The following PAK1 variants were observed in gnomAD, a reference collection of about 807,000 sequenced individuals.
The protein encoded by PAK1 is p21 (RAC1) activated kinase 1, also known as serine/threonine-protein kinase PAK 1.
PAK1 carries 29 observed loss-of-function variants against 67.4 expected under a neutral mutation model. The observed-to-expected ratio is 0.43, with a 90% CI of 0.32 to 0.59. The LOEUF is 0.59. PAK1 is among the 20% of genes least tolerant of loss of function. PAK1 has a pLI of 0.07. For missense variants in PAK1, 337 were observed against 670.7 expected (o/e 0.50, Z 5.50); for synonymous variants, 223 against 237.4 (o/e 0.94, Z 0.56).
At chr11:77,362,729 C>T (rs1946959020) in intron 5 of PAK1, among the ~76,000 whole-genome samples, 1 of 152,036 alleles carries the variant, frequency 6.6e-6, no homozygotes, top group Non-Finnish European at 1.5e-5. Context: ...ATGATGTTGG[C>T]CAGATGATTA....
chr11:77,365,987 G>A (rs990257556), intron 5 of PAK1, among the ~76,000 whole-genome samples: 4 of 152,160 alleles, frequency 2.6e-5, no homozygotes, highest in Non-Finnish European at 5.9e-5. Flanking sequence ...GCTGATCAGA[G>A]TATTTTAAAA....
At chr11:77,471,378 C>CA (rs1218834167) in intron 1 of PAK1, among the ~76,000 whole-genome samples, 6 of 151,900 alleles carry the variant, frequency 3.9e-5, no homozygotes, top group African/African-American at 1.5e-4. Context: ...CACAGGCTAC[C>CA]AAAAAAAGAC....
the PAK1 span, among the ~76,000 whole-genome samples, chr11:77,495,859 A>G: frequency 2.6e-5 from 4 of 152,232 alleles, no homozygotes; most frequent in African/African-American, 7.2e-5. Context: ...GACAGAAAGT[A>G]CAACGGTGGT....
At chr11:77,508,319 T>C in the PAK1 span, among the ~76,000 whole-genome samples, 1 of 152,236 alleles carries the variant, frequency 6.6e-6, no homozygotes, top group Non-Finnish European at 1.5e-5. Flanking sequence ...TTTGGTTCAA[T>C]ACCAAAACAA....
intron 1 of PAK1, among the ~76,000 whole-genome samples, chr11:77,449,372 C>T (rs1179481932): frequency 6.6e-6 from 1 of 152,186 alleles, no homozygotes; most frequent in Non-Finnish European, 1.5e-5. Context: ...ACATCAGAGG[C>T]ATCAACTATC....
chr11:77,516,217 C>T, the PAK1 span, among the ~76,000 whole-genome samples: 1 of 152,208 alleles, frequency 6.6e-6, no homozygotes, highest in Admixed American at 6.5e-5. Flanking sequence ...AGTGTGCATT[C>T]AATGTATGGT....
Position 77,351,994 on chromosome 11 carries a change from C to T in PAK1, c.836+1542G>A, listed in dbSNP as rs1052923289. Among the ~76,000 whole-genome samples, 15 of 152,174 alleles carry T rather than the reference C, an allele frequency of 9.9e-5. No individual in the cohort carries two copies. The South Asian group carries it at 2.1e-3, about 21-fold the overall frequency. ...CTACCAAGATCACCCCCAAAGATTCCCTCATGACTATTCCTACTCAACATC... is the reference window on the plus strand; with the variant it reads ...CTACCAAGATCACCCCCAAAGATTCTCTCATGACTATTCCTACTCAACATC... On this transcript the variant is annotated intron_variant, in intron 8 of 14. Coordinates refer to ENST00000356341, the MANE Select transcript of PAK1 (RefSeq NM_002576.5).
chr11:77,349,163 C>T, intron 9 of PAK1, 76 bp downstream of exon 9: 1 of 1,084,814 alleles, frequency 9.2e-7, no homozygotes, highest in Non-Finnish European at 1.4e-6. Context: ...TCCTGTTGAC[C>T]TAACAAGGGC....
intron 11 of PAK1, 120 bp downstream of exon 11, chr11:77,340,526 C>A: frequency 1.4e-6 from 1 of 701,786 alleles, no homozygotes. Context: ...ATAGCAGTGT[C>A]AGCACTAATT....
rs1938814719 is a variant in PAK1 at position 77,323,326 on chromosome 11, C to T, written c.1586G>A (p.Ser529Asn). 2 of 1,613,718 alleles carry T rather than the reference C, an allele frequency of 1.2e-6. No homozygotes were observed. The highest frequency in any genetic ancestry group is 4.5e-5 in the East Asian group (2 of 44,860). Residue 529 changes from serine to asparagine, a missense_variant, in exon 15 of 15, where the codon AGC (serine) becomes AAC (asparagine). This residue lies in a region of PAK1 where 71 missense variants were observed against 160.5 expected (regional missense o/e 0.44). Coordinates refer to ENST00000356341, the MANE Select transcript of PAK1 (RefSeq NM_002576.5). ...AGCTGCAGCAATCAGTGGAGTGAGG[C>T]TGGAGAGGGGCTTGGCAATCTTCAG... Reference protein sequence around the residue: ...QFLKIAKPLSSLTPLIAAAKE... With the variant: ...QFLKIAKPLSNLTPLIAAAKE...
the PAK1 span, among the ~76,000 whole-genome samples, chr11:77,511,691 A>G: frequency 6.6e-6 from 1 of 152,182 alleles, no homozygotes; most frequent in African/African-American, 2.4e-5. Flanking sequence ...GCTGCTTTAA[A>G]TTTTTGTCCC....
At chr11:77,448,252 T>C (rs757933529) in intron 1 of PAK1, among the ~76,000 whole-genome samples, 7 of 152,146 alleles carry the variant, frequency 4.6e-5, no homozygotes, top group African/African-American at 1.2e-4. Context: ...GTTGTGAGGA[T>C]TGGGAATATT....
upstream of PAK1, chr11:77,475,405 A>G (rs1026120479): frequency 6.6e-6 from 1 of 152,168 alleles, no homozygotes; most frequent in African/African-American, 2.4e-5. Context: ...TAAAAGCACA[A>G]ATCTGATGAT....
chr11:77,491,743 C>T, the PAK1 span, among the ~76,000 whole-genome samples: 2 of 152,004 alleles, frequency 1.3e-5, no homozygotes, highest in East Asian at 3.9e-4. Flanking sequence ...AAATCACCTT[C>T]ACTAAAACAA....
intron 1 of PAK1, among the ~76,000 whole-genome samples, chr11:77,455,716 T>C (rs1347568426): frequency 1.3e-5 from 2 of 152,252 alleles, no homozygotes; most frequent in African/African-American, 4.8e-5. Context: ...TAAGATAGCA[T>C]ATAATATTTA....
chr11:77,350,524 AG>A (rs1945094383), intron 8 of PAK1, among the ~76,000 whole-genome samples: 1 of 152,208 alleles, frequency 6.6e-6, no homozygotes, highest in African/African-American at 2.4e-5. Context: ...GTGTATTTGT[AG>A]GTAAGTAATT....
intron 1 of PAK1, among the ~76,000 whole-genome samples, chr11:77,450,674 G>A (rs1592521400): frequency 6.6e-6 from 1 of 152,176 alleles, no homozygotes; most frequent in South Asian, 2.1e-4. Context: ...GTCAGGTGTT[G>A]AAACAGCAGA....
chr11:77,381,664 A>G (rs1161314192), intron 2 of PAK1, among the ~76,000 whole-genome samples: 1 of 152,224 alleles, frequency 6.6e-6, no homozygotes, highest in African/African-American at 2.4e-5. Context: ...TACAAGATAG[A>G]TATTACTACC....
intron 1 of PAK1, among the ~76,000 whole-genome samples, chr11:77,394,431 A>G (rs1951569850): frequency 5.9e-5 from 9 of 151,640 alleles, no homozygotes; most frequent in Admixed American, 5.9e-4. Context: ...AATAAAATCT[A>G]TAGGAGTTTT....
Sources: gnomAD v4.1 joint callset for allele counts (sites outside exome capture counted in the v4.1 genomes callset) on GRCh38, gnomAD v4.1.1 for gene constraint, gnomAD v4.1.1 regional missense constraint, MANE v1.5 for transcripts, NCBI Gene and HGNC (gene_info 2026-07-23, HGNC 2026-07-21) for gene names.